Variants in RAPGEF2 observed in about 807,000 individuals in gnomAD.
RAPGEF2 encodes the protein Rap guanine nucleotide exchange factor 2, also known as PDZ domain containing guanine nucleotide exchange factor (GEF) 1.
Under a neutral mutation model 186.7 loss-of-function variants are expected in RAPGEF2, and 54 were observed. The ratio of observed to expected loss-of-function variants is 0.29; its 90% CI spans 0.23 to 0.36. The LOEUF (loss-of-function observed/expected upper bound fraction) is 0.36. RAPGEF2 is among the 10% of genes least tolerant of loss of function. The pLI, the probability that RAPGEF2 is intolerant of heterozygous loss-of-function variation, is 1.00. For missense variants in RAPGEF2, 1,532 were observed against 2,045.0 expected, an observed-to-expected ratio of 0.75 and a Z score of 4.84; for synonymous variants, 712 against 705.9, an observed-to-expected ratio of 1.01 and a Z score of -0.14.
At chr4:159,121,922 C>A (rs1019509165) in intron 1 of RAPGEF2, among the ~76,000 whole-genome samples, 1 of 149,798 alleles carries the variant, frequency 6.7e-6, no homozygotes, top group African/African-American at 2.5e-5. Flanking sequence ...CCTGTACTCC[C>A]AGCTACTCGG....
At chr4:159,339,439 T>G in intron 19 of RAPGEF2, 85 bp downstream of exon 19, 2 of 1,464,058 alleles carry the variant, frequency 1.4e-6, no homozygotes, top group Non-Finnish European at 1.8e-6. Flanking sequence ...TTTCAAAGTG[T>G]TTTTTAAATG....
chr4:159,286,717 C>A (rs1276983758), intron 7 of RAPGEF2, among the ~76,000 whole-genome samples: 1 of 152,164 alleles, frequency 6.6e-6, no homozygotes, highest in Non-Finnish European at 1.5e-5. Context: ...GTTTCTTTTG[C>A]TCAGAATTTT....
intron 2 of RAPGEF2, 87 bp downstream of exon 2, chr4:159,186,799 TCTTA>T (rs922869942): frequency 4.2e-6 from 3 of 720,850 alleles, no homozygotes; most frequent in African/African-American, 1.8e-5. Context: ...TTACTTTTAT[TCTTA>T]CTTGACATAA....
At position 159,323,484 on chromosome 4, in the gene RAPGEF2, A is replaced by G. The variant is rs2111161221; in HGVS notation, c.1016A>G (p.Asn339Ser). Residue 339 changes from asparagine (N) to serine (S), a missense_variant, in exon 11 of 30, where the codon AAT (asparagine) becomes AGT (serine). Asn to Ser is a conservative substitution (Grantham distance 46). Around this residue, in one of 4 missense-constraint regions of RAPGEF2, gnomAD observed 810 missense variants for 1,210.5 expected, o/e 0.67. Transcript: ENST00000691494. ...EELDSWSVIL[N>S]GSVEVTYPDG... ...CTGGACTCCTGGTCAGTGATTCTCA[A>G]TGGATCTGTGGAAGTGACTTATCCA... The G allele has an allele frequency of 2.5e-6, 4 of 1,608,970 alleles. No individual in the cohort carries two copies. Among genetic ancestry groups the G allele is most frequent in the Non-Finnish European group, 3.4e-6 (4 of 1,178,098 alleles).
intron 11 of RAPGEF2, among the ~76,000 whole-genome samples, chr4:159,324,042 G>A (rs1373418063): frequency 5.3e-5 from 8 of 152,068 alleles, no homozygotes; most frequent in African/African-American, 1.2e-4. Context: ...GACTACAGGC[G>A]TGCACCACCA....
At chr4:159,321,543 C>T (rs1167381398) in intron 9 of RAPGEF2, among the ~76,000 whole-genome samples, 1 of 152,108 alleles carries the variant, frequency 6.6e-6, no homozygotes, top group Non-Finnish European at 1.5e-5. Flanking sequence ...TGATGCTGAG[C>T]CTTGGTTTCC....
chr4:159,325,846 G>T (rs1300990176), intron 11 of RAPGEF2, among the ~76,000 whole-genome samples: 2 of 152,166 alleles, frequency 1.3e-5, no homozygotes, highest in Non-Finnish European at 2.9e-5. Context: ...TTAGGGAAGA[G>T]AATCTAATTT....
At chr4:159,133,577 A>G (rs1040820986) in intron 1 of RAPGEF2, among the ~76,000 whole-genome samples, 2 of 151,224 alleles carry the variant, frequency 1.3e-5, no homozygotes, top group Admixed American at 1.3e-4. Context: ...ACGCGTGGCT[A>G]CTTTTTTGTA....
chr4:159,303,932 T>TG (rs1762973606), intron 7 of RAPGEF2, among the ~76,000 whole-genome samples: 1 of 152,180 alleles, frequency 6.6e-6, no homozygotes, highest in Non-Finnish European at 1.5e-5. Flanking sequence ...AAACATTATT[T>TG]GGGTATAAAC....
chr4:159,318,363 C>T (rs551682804), intron 9 of RAPGEF2, among the ~76,000 whole-genome samples: 2 of 152,302 alleles, frequency 1.3e-5, no homozygotes, highest in South Asian at 2.1e-4. Context: ...AAAATACAAA[C>T]ATCTGTATGA....
intron 4 of RAPGEF2, among the ~76,000 whole-genome samples, chr4:159,215,835 A>G (rs1750946020): frequency 1.3e-5 from 2 of 152,196 alleles, no homozygotes; most frequent in African/African-American, 4.8e-5. Flanking sequence ...CAAGATGCCA[A>G]TAGGAGGTTG....
At chr4:159,125,457 A>G (rs926087642) in intron 1 of RAPGEF2, among the ~76,000 whole-genome samples, 2 of 152,060 alleles carry the variant, frequency 1.3e-5, no homozygotes, top group Non-Finnish European at 2.9e-5. Context: ...AACCACAAAG[A>G]TAAATAATTA....
At chr4:159,312,171 TAAAG>T (rs555404003) in intron 8 of RAPGEF2, among the ~76,000 whole-genome samples, 80 of 152,270 alleles carry the variant, frequency 5.3e-4, no homozygotes, top group East Asian at 2.1e-3. Flanking sequence ...GTTTTAAAAT[TAAAG>T]AAAAACCATT....
At chr4:159,134,833 A>G (rs916512873) in intron 1 of RAPGEF2, among the ~76,000 whole-genome samples, 2 of 152,166 alleles carry the variant, frequency 1.3e-5, no homozygotes, top group Non-Finnish European at 2.9e-5. Flanking sequence ...CATTTTATCA[A>G]CCTCAAAAAG....
intron 7 of RAPGEF2, among the ~76,000 whole-genome samples, chr4:159,252,925 A>G (rs1016988404): frequency 3.9e-5 from 6 of 152,258 alleles, no homozygotes; most frequent in Non-Finnish European, 8.8e-5. Context: ...TGATACACCC[A>G]TTACACATTA....
chr4:159,221,338 A>T (rs796925923), intron 4 of RAPGEF2, among the ~76,000 whole-genome samples: 3 of 152,288 alleles, frequency 2.0e-5, no homozygotes, highest in African/African-American at 7.2e-5. Context: ...TGGCTGCCAA[A>T]CCCCAGCCAT....
At chr4:159,313,770 A>G (rs1362816133) in intron 8 of RAPGEF2, among the ~76,000 whole-genome samples, 2 of 152,176 alleles carry the variant, frequency 1.3e-5, no homozygotes, top group African/African-American at 4.8e-5. Flanking sequence ...TTAAGTGATA[A>G]TTGAAGTCTA....
At chr4:159,241,725 T>C (rs1754033769) in intron 6 of RAPGEF2, among the ~76,000 whole-genome samples, 1 of 151,910 alleles carries the variant, frequency 6.6e-6, no homozygotes, top group African/African-American at 2.4e-5. Context: ...GTAATTGTAA[T>C]TGGAATATTT....
Position 159,356,726 on chromosome 4 carries a change from C to T in RAPGEF2, c.4957+568C>T, listed in dbSNP as rs977504321. Among the ~76,000 whole-genome samples the T allele has an allele frequency of 2.6e-5, 4 of 151,854 alleles. No individual in the cohort carries two copies. The East Asian group carries it at 5.8e-4, about 22-fold the overall frequency. ...GACCAGCCTGGCCAAAGTAGTGAAA[C>T]CCTGTCTCTACTAAAAATACAAAAA... is the stretch of plus-strand genomic sequence containing the variant. On this transcript the variant is annotated intron_variant, in intron 29 of 29. Coordinates refer to ENST00000691494, the MANE Select transcript of RAPGEF2 (RefSeq NM_001394067.2).
Sources: gnomAD v4.1 joint callset for allele counts (sites outside exome capture counted in the v4.1 genomes callset) on GRCh38, gnomAD v4.1.1 for gene constraint, gnomAD v4.1.1 regional missense constraint, MANE v1.5 for transcripts, NCBI Gene and HGNC (gene_info 2026-07-23, HGNC 2026-07-21) for gene names.